CSMD3: variants seen among roughly 807,000 people sequenced by gnomAD.
The protein encoded by CSMD3 is CUB and sushi domain-containing protein 3.
CSMD3 carries 177 observed loss-of-function variants against 435.2 expected under a neutral mutation model. The observed-to-expected ratio is 0.41, with a 90% confidence interval of 0.36 to 0.46. CSMD3 has a LOEUF of 0.46. CSMD3 is among the 20% of genes least tolerant of loss of function. CSMD3 has a pLI of 0.34. For synonymous variants in CSMD3, 1,656 were observed against 1,520.5 expected (o/e 1.09, Z -2.07); for missense variants, 4,265 against 4,504.6 (o/e 0.95, Z 1.52).
chr8:112,608,968 A>G (rs1833013963), intron 22 of CSMD3, among the ~76,000 whole-genome samples: 1 of 151,898 alleles, frequency 6.6e-6, no homozygotes, highest in South Asian at 2.1e-4. Flanking sequence ...ACAAAAATGC[A>G]AACAATAAAA....
At chr8:113,169,195 C>A (rs1043461032) in intron 4 of CSMD3, among the ~76,000 whole-genome samples, 2 of 152,086 alleles carry the variant, frequency 1.3e-5, no homozygotes, top group African/African-American at 4.8e-5. Flanking sequence ...TCAGTCATTT[C>A]TCTAACACAT....
chr8:112,824,935 A>C (rs1412541997), intron 12 of CSMD3, among the ~76,000 whole-genome samples: 1 of 152,150 alleles, frequency 6.6e-6, no homozygotes, highest in Non-Finnish European at 1.5e-5. Context: ...TCTCTTTCCC[A>C]TACTCCAATC....
chr8:113,391,711 A>G (rs1303621840), intron 1 of CSMD3, among the ~76,000 whole-genome samples: 1 of 151,984 alleles, frequency 6.6e-6, no homozygotes, highest in Admixed American at 6.6e-5. Flanking sequence ...GATGCAATTG[A>G]CAGAACTGGA....
At chr8:112,357,377 T>C in intron 38 of CSMD3, among the ~76,000 whole-genome samples, 1 of 152,164 alleles carries the variant, frequency 6.6e-6, no homozygotes, top group Non-Finnish European at 1.5e-5. Flanking sequence ...CATTCAGTTT[T>C]ATAAGGGAAG....
At chr8:112,640,034 T>G (rs2074778965) in intron 20 of CSMD3, among the ~76,000 whole-genome samples, 1 of 152,182 alleles carries the variant, frequency 6.6e-6, no homozygotes, top group Non-Finnish European at 1.5e-5. Flanking sequence ...TACATCTCCA[T>G]AGACAACATG....
In CSMD3 at chr8:113,297,537, A is replaced by G. The variant is rs547547332; in HGVS notation, c.401+17034T>C. On this transcript the variant is annotated intron_variant, in intron 2 of 70. Coordinates refer to ENST00000297405, the MANE Select transcript of CSMD3 (RefSeq NM_198123.2). Reference sequence around the variant, plus strand: ...CAAGAAAACATTTAGTTTAATCTGGACTAATTAGTAATCTAAAAATGCTAT... The same window carrying G: ...CAAGAAAACATTTAGTTTAATCTGGGCTAATTAGTAATCTAAAAATGCTAT... Among the ~76,000 whole-genome samples, 122 of 151,570 alleles carry G rather than the reference A, an allele frequency of 8.0e-4. 1 individual carries two copies. The highest frequency in any genetic ancestry group is 1.4e-3 in the Non-Finnish European group (93 of 67,968).
At chr8:112,502,624 T>A (rs1822089048) in intron 30 of CSMD3, among the ~76,000 whole-genome samples, 1 of 152,140 alleles carries the variant, frequency 6.6e-6, no homozygotes. Context: ...CTAACCCCTG[T>A]TCCTATGGCA....
chr8:112,433,972 G>GT (rs1814037498), intron 32 of CSMD3, among the ~76,000 whole-genome samples: 1 of 151,984 alleles, frequency 6.6e-6, no homozygotes, highest in African/African-American at 2.4e-5. Context: ...TAGCTATTTT[G>GT]TTTTTTCAGT....
intron 37 of CSMD3, among the ~76,000 whole-genome samples, chr8:112,381,182 AG>A (rs77750064): frequency 0.2 from 30,918 of 152,136 alleles, 3,691 homozygotes; most frequent in East Asian, 0.39. Context: ...ATTCTATACC[AG>A]GTCAAGTGCC....
chr8:112,691,127 T>C (rs1445677705), intron 13 of CSMD3, among the ~76,000 whole-genome samples: 1 of 152,164 alleles, frequency 6.6e-6, no homozygotes, highest in Non-Finnish European at 1.5e-5. Context: ...CTTTAACTTT[T>C]ATTATACTGT....
intron 53 of CSMD3, 146 bp from the exon 54 acceptor site, chr8:112,296,152 A>C: frequency 1.5e-6 from 1 of 677,022 alleles, no homozygotes. Context: ...ACATAAAGGT[A>C]ACTATGAAAT....
rs571821354 is a variant in CSMD3, at chr8:112,984,987, T to C, written c.1031-8839A>G. Among the ~76,000 whole-genome samples, 4 of 122,142 alleles carry C rather than the reference T, an allele frequency of 3.3e-5. No homozygotes were observed. The South Asian group carries it at 1.1e-3, about 35-fold the overall frequency. The allele number at this position is 122,142 out of a possible 152,430, so 80.1% of individuals were successfully genotyped here. A position where few individuals can be genotyped will look rare whatever the true frequency, so the allele number is the denominator to read the frequency against. ...TGACTATTATACTTTAGATACATGATAGATTATGATAGATAGATAGATAGA... is the reference window on the plus strand; with the variant it reads ...TGACTATTATACTTTAGATACATGACAGATTATGATAGATAGATAGATAGA... On this transcript the variant is annotated intron_variant, in intron 6 of 70. Coordinates refer to ENST00000297405, the MANE Select transcript of CSMD3 (RefSeq NM_198123.2).
intron 5 of CSMD3, among the ~76,000 whole-genome samples, chr8:113,078,040 T>C (rs564522315): frequency 6.6e-6 from 1 of 152,304 alleles, no homozygotes; most frequent in South Asian, 2.1e-4. Flanking sequence ...TCTATTCACA[T>C]GAGTATACCC....
At chr8:112,688,198 A>T (rs1179004639) in intron 14 of CSMD3, among the ~76,000 whole-genome samples, 1 of 152,176 alleles carries the variant, frequency 6.6e-6, no homozygotes, top group Non-Finnish European at 1.5e-5. Context: ...CCATCTCCTG[A>T]TCTAAATGAT....
intron 11 of CSMD3, among the ~76,000 whole-genome samples, chr8:112,857,442 G>A (rs2080693478): frequency 6.6e-6 from 1 of 151,680 alleles, no homozygotes; most frequent in Admixed American, 6.6e-5. Flanking sequence ...TTGAACATGA[G>A]ATAATACCAC....
At chr8:112,544,331 T>A (rs1445095107) in intron 27 of CSMD3, among the ~76,000 whole-genome samples, 1 of 152,166 alleles carries the variant, frequency 6.6e-6, no homozygotes, top group Non-Finnish European at 1.5e-5. Flanking sequence ...TTTAAAATGA[T>A]GAGGATGTAT....
intron 5 of CSMD3, among the ~76,000 whole-genome samples, chr8:113,059,573 A>C (rs907810663): frequency 6.6e-6 from 1 of 152,210 alleles, no homozygotes; most frequent in African/African-American, 2.4e-5. Context: ...TATTTAAAAC[A>C]TATTTAAAAT....
rs1471475918 is a variant in CSMD3 at position 113,001,119 on chromosome 8, C to CA, written c.1030+17947dup. Among the ~76,000 whole-genome samples, 8 of 152,118 alleles carry CA rather than the reference C, an allele frequency of 5.3e-5. No homozygotes were observed. In the South Asian group the frequency reaches 1.2e-3, roughly 24 times the overall value. On this transcript the variant is annotated intron_variant, in intron 6 of 70. Coordinates refer to ENST00000297405, the MANE Select transcript of CSMD3 (RefSeq NM_198123.2). ...TTTCTGCCTTCCATCTTAATCTAGGCAATCGTCTTTTCTCACCAGGATAGT... is the reference window on the plus strand; with the variant it reads ...TTTCTGCCTTCCATCTTAATCTAGGCAAATCGTCTTTTCTCACCAGGATAGT...
intron 3 of CSMD3, among the ~76,000 whole-genome samples, chr8:113,235,727 G>A (rs774952519): frequency 2.0e-5 from 3 of 152,082 alleles, no homozygotes; most frequent in African/African-American, 7.2e-5. Flanking sequence ...GTCAAGGTAG[G>A]CAGCACCATC....
Sources: gnomAD v4.1 joint callset for allele counts (sites outside exome capture counted in the v4.1 genomes callset) on GRCh38, gnomAD v4.1.1 for gene constraint, MANE v1.5 for transcripts, NCBI Gene and HGNC (gene_info 2026-07-23, HGNC 2026-07-21) for gene names.